ZFAT: variants seen among roughly 807,000 people sequenced by gnomAD.
The protein encoded by ZFAT is zinc finger and AT-hook domain containing.
Under a neutral mutation model 117.7 loss-of-function variants are expected in ZFAT, and 64 were observed. The ratio of observed to expected loss-of-function variants is 0.54; its 90% CI spans 0.44 to 0.67. The LOEUF is 0.67. Ranked by LOEUF, ZFAT falls within the 30% of genes least tolerant of loss-of-function variation. The pLI, the probability that ZFAT is intolerant of heterozygous loss-of-function variation, is 0.00. For missense variants in ZFAT, 1,433 were observed against 1,584.5 expected, an observed-to-expected ratio of 0.90 and a Z score of 1.62; for synonymous variants, 679 against 615.0, an observed-to-expected ratio of 1.10 and a Z score of -1.54.
the ZFAT span, among the ~76,000 whole-genome samples, chr8:134,733,166 C>T: frequency 1.3e-5 from 2 of 152,146 alleles, no homozygotes; most frequent in Non-Finnish European, 2.9e-5. Context: ...TAGGTGAATT[C>T]AATGAAAAAA....
At chr8:134,512,861 T>G (rs1222097153) in intron 13 of ZFAT, among the ~76,000 whole-genome samples, 1 of 152,258 alleles carries the variant, frequency 6.6e-6, no homozygotes. Context: ...AAACAGAGTA[T>G]GTATGCTGTT....
intron 10 of ZFAT, among the ~76,000 whole-genome samples, chr8:134,570,044 C>T (rs558114198): frequency 9.2e-5 from 14 of 152,290 alleles, no homozygotes; most frequent in African/African-American, 3.4e-4. Context: ...GTATGACTCC[C>T]TGTCACCTCT....
intron 1 of ZFAT, among the ~76,000 whole-genome samples, chr8:134,662,984 A>C (rs796414920): frequency 4.6e-5 from 7 of 152,372 alleles, no homozygotes; most frequent in Admixed American, 1.3e-4. Context: ...TGCAGCGCAG[A>C]CATGCACGCA....
At chr8:134,726,218 T>C in the ZFAT span, among the ~76,000 whole-genome samples, 1 of 152,032 alleles carries the variant, frequency 6.6e-6, no homozygotes, top group African/African-American at 2.4e-5. Flanking sequence ...TAAAGTAAAC[T>C]TGGAAGAGGG....
chr8:134,808,012 C>T, the ZFAT span, among the ~76,000 whole-genome samples: 1 of 152,186 alleles, frequency 6.6e-6, no homozygotes, highest in Non-Finnish European at 1.5e-5. Context: ...TGTTTTTATA[C>T]ATTTTCTCAT....
chr8:134,524,217 G>C (rs1820863257), intron 12 of ZFAT, among the ~76,000 whole-genome samples: 1 of 152,144 alleles, frequency 6.6e-6, no homozygotes, highest in Non-Finnish European at 1.5e-5. Flanking sequence ...TGTTATCCGA[G>C]GGCCTGCCTT....
chr8:134,822,195 A>C, the ZFAT span, among the ~76,000 whole-genome samples: 1 of 152,182 alleles, frequency 6.6e-6, no homozygotes, highest in Non-Finnish European at 1.5e-5. Flanking sequence ...GTTAGTGTTC[A>C]AATTACAAGA....
intron 13 of ZFAT, among the ~76,000 whole-genome samples, chr8:134,515,336 T>G (rs960407323): frequency 3.9e-5 from 6 of 152,224 alleles, no homozygotes; most frequent in Non-Finnish European, 8.8e-5. Context: ...GTAATGGGAT[T>G]GCTGGGTCAA....
chr8:134,485,291 G>A (rs1290533474), intron 15 of ZFAT, among the ~76,000 whole-genome samples: 1 of 152,146 alleles, frequency 6.6e-6, no homozygotes, highest in Non-Finnish European at 1.5e-5. Context: ...GCACAGCTGT[G>A]GGCTTGGCCA....
the ZFAT span, among the ~76,000 whole-genome samples, chr8:134,754,962 C>T: frequency 1.6e-4 from 25 of 152,258 alleles, no homozygotes; most frequent in African/African-American, 5.1e-4. Flanking sequence ...AAGCGGGTCT[C>T]GGAGATAGGG....
intron 1 of ZFAT, among the ~76,000 whole-genome samples, chr8:134,687,492 A>T (rs1031801635): frequency 9.9e-5 from 15 of 152,210 alleles, no homozygotes; most frequent in Non-Finnish European, 2.9e-5. Context: ...ATACATTCAC[A>T]TTTAACACAA....
At chr8:134,663,763 C>T (rs998694904) in intron 1 of ZFAT, among the ~76,000 whole-genome samples, 5 of 152,152 alleles carry the variant, frequency 3.3e-5, no homozygotes, top group Non-Finnish European at 5.9e-5. Context: ...ATCATAACAT[C>T]TGTATTTTCT....
Position 134,522,189 on chromosome 8 carries a change from G to A in ZFAT, c.3116-1188C>T, listed in dbSNP as rs535166436. Among the ~76,000 whole-genome samples, 5 of 152,340 alleles carry A rather than the reference G, an allele frequency of 3.3e-5. No individual in the cohort carries two copies. In the South Asian group the frequency reaches 1.0e-3, roughly 32 times the overall value. On this transcript the variant is annotated intron_variant, in intron 12 of 15. Transcript: ENST00000377838. ...GAGCCCCAGGTAAGGAGGATGCCAG[G>A]CCCGGGCAGGGCAGCAATGCCACCT... is the stretch of plus-strand genomic sequence containing the variant.
In ZFAT at chr8:134,687,604, G is replaced by A. The variant is rs530938321; in HGVS notation, c.19+25241C>T. 2.0e-5 allele frequency among the ~76,000 whole-genome samples: 3 copies of A among 152,136 alleles called. No individual in the cohort carries two copies. In the South Asian group the frequency reaches 6.3e-4, roughly 32 times the overall value. ...CGAGAGCAGATGTGTGGGAAGCGCT[G>A]AGGGTACAGGAACACCCCCTGTCCC... On this transcript the variant is annotated intron_variant, in intron 1 of 15. Coordinates refer to ENST00000377838, the MANE Select transcript of ZFAT (RefSeq NM_020863.4).
chr8:134,530,308 T>C (rs1229853240), intron 12 of ZFAT, among the ~76,000 whole-genome samples: 3 of 152,170 alleles, frequency 2.0e-5, no homozygotes, highest in Non-Finnish European at 4.4e-5. Flanking sequence ...TAAAACCAAA[T>C]AGGGATGGAG....
At chr8:134,541,486 G>T (rs1490590532) in intron 11 of ZFAT, among the ~76,000 whole-genome samples, 6 of 152,148 alleles carry the variant, frequency 3.9e-5, no homozygotes, top group African/African-American at 1.4e-4. Flanking sequence ...AGAACTGTGA[G>T]AAATAAGTTC....
intron 13 of ZFAT, among the ~76,000 whole-genome samples, chr8:134,518,113 T>C (rs918441175): frequency 2.0e-4 from 30 of 152,244 alleles, no homozygotes; most frequent in African/African-American, 7.0e-4. Context: ...TCTCATCTGC[T>C]ATGATTGTTC....
intron 3 of ZFAT, among the ~76,000 whole-genome samples, chr8:134,627,934 T>C (rs1196227974): frequency 1.3e-5 from 2 of 152,158 alleles, no homozygotes; most frequent in Non-Finnish European, 2.9e-5. Context: ...GTGGTGCAAG[T>C]GTGGATTCCT....
intron 11 of ZFAT, among the ~76,000 whole-genome samples, chr8:134,533,374 T>A (rs1356711176): frequency 1.3e-5 from 2 of 152,218 alleles, no homozygotes. Flanking sequence ...AGGTGTCACA[T>A]AATGACATTT....
Sources: allele counts gnomAD v4.1 joint callset (sites outside exome capture counted in the v4.1 genomes callset), GRCh38; gene constraint gnomAD v4.1.1; transcripts MANE v1.5; gene names NCBI Gene and HGNC (gene_info 2026-07-23, HGNC 2026-07-21).